Variants in ST6GALNAC4 observed in about 807,000 individuals in gnomAD.
ST6GALNAC4 encodes the protein ST6 N-acetylgalactosaminide alpha-2,6-sialyltransferase 4.
Under a neutral mutation model 30.4 loss-of-function variants are expected in ST6GALNAC4, and 24 were observed. That is an observed-to-expected ratio of 0.79 (90% CI 0.57 to 1.11). The LOEUF is 1.11. Among genes scored for constraint, ST6GALNAC4 ranks in the 50% most tolerant of loss-of-function variants. The pLI, the probability that ST6GALNAC4 is intolerant of heterozygous loss-of-function variation, is 0.00. For missense variants in ST6GALNAC4, 365 were observed against 430.1 expected, an observed-to-expected ratio of 0.85 and a Z score of 1.34; for synonymous variants, 156 against 179.7, an observed-to-expected ratio of 0.87 and a Z score of 1.05.
At chr9:127,909,370 CA>C (rs763669735) in intron 5 of ST6GALNAC4, among the ~76,000 whole-genome samples, 7 of 143,870 alleles carry the variant, frequency 4.9e-5, no homozygotes, top group African/African-American at 1.8e-4. Context: ...GCCTGGGCAA[CA>C]AGAGCAAAAC....
chr9:127,914,836 C>A lies in ST6GALNAC4; in HGVS notation c.18G>T (p.Arg6=). The change falls in exon 3 of 6, where the codon CGG becomes CGT. Residue 6 remains arginine (R), a synonymous_variant. Coordinates refer to ENST00000335791, the MANE Select transcript of ST6GALNAC4 (RefSeq NM_175039.4). MKAPG[R]LVLIILCSVV... ...CGGAGCACAGGATGATGAGCACGAG[C>A]CGACCCTGAGGGAGACAGTGGCCAT... 2.0e-6 allele frequency: 3 copies of A among 1,499,930 alleles called. No individual in the cohort carries two copies. The highest frequency in any genetic ancestry group is 4.2e-4 in the Middle Eastern group (2 of 4,706). 92.9% of individuals were successfully genotyped at this position (1,499,930 alleles called of 1,614,324 possible). A position where few individuals can be genotyped will look rare whatever the true frequency, so the allele number is the denominator to read the frequency against.
intron 5 of ST6GALNAC4, among the ~76,000 whole-genome samples, chr9:127,909,576 C>T (rs1395912648): frequency 6.9e-6 from 1 of 144,432 alleles, no homozygotes; most frequent in Non-Finnish European, 1.5e-5. Flanking sequence ...TATATTTAGG[C>T]CCTATATATA....
chr9:127,916,595 G>T, intron 1 of ST6GALNAC4, 101 bp from the exon 2 acceptor site: 1 of 669,966 alleles, frequency 1.5e-6, no homozygotes, highest in Non-Finnish European at 2.6e-6. Context: ...CGGGGTGAAA[G>T]CACATGGCAC....
At chr9:127,913,635 A>G (rs1489014635) in intron 3 of ST6GALNAC4, among the ~76,000 whole-genome samples, 1 of 151,098 alleles carries the variant, frequency 6.6e-6, no homozygotes, top group Non-Finnish European at 1.5e-5. Context: ...AAAGAAAAAG[A>G]AAACAACATC....
intron 3 of ST6GALNAC4, among the ~76,000 whole-genome samples, chr9:127,912,962 T>C (rs1227054968): frequency 6.6e-6 from 1 of 152,240 alleles, no homozygotes; most frequent in Non-Finnish European, 1.5e-5. Flanking sequence ...CTCTACGTAA[T>C]GAGTCCTTAT....
intron 3 of ST6GALNAC4, among the ~76,000 whole-genome samples, chr9:127,914,073 C>G (rs1425579707): frequency 6.6e-6 from 1 of 150,992 alleles, no homozygotes; most frequent in Non-Finnish European, 1.5e-5. Context: ...AAGCTAGACT[C>G]TCTCTCTCTC....
At chr9:127,911,718 C>T (rs1157683612) in intron 4 of ST6GALNAC4, among the ~76,000 whole-genome samples, 1 of 152,176 alleles carries the variant, frequency 6.6e-6, no homozygotes, top group Non-Finnish European at 1.5e-5. Flanking sequence ...ATCTCTTGAC[C>T]TCGTGATCCT....
chr9:127,916,057 GC>G (rs891653252), intron 2 of ST6GALNAC4: 32 of 407,184 alleles, frequency 7.9e-5, no homozygotes, highest in African/African-American at 6.2e-4. Flanking sequence ...GAGATGAACT[GC>G]CCCCCACATC....
At position 127,910,019 on chromosome 9, in the gene ST6GALNAC4, G is replaced by A; in HGVS notation, c.651C>T (p.Thr217=). The A allele has an allele frequency of 6.2e-7, 1 of 1,613,430 alleles. No individual in the cohort carries two copies. The highest frequency in any genetic ancestry group is 8.5e-7 in the Non-Finnish European group (1 of 1,179,968). The change falls in exon 5 of 6, where the codon ACC becomes ACT. Residue 217 remains threonine (T), a synonymous_variant. Transcript: ENST00000335791. ...SGSFLSTGWF[T]MILALELCEE... is the part of the protein sequence containing the mutation. ...CACACAGCTCCAGCGCGAGGATCAT[G>A]GTGAACCAGCCGGTGCTGAGGAAGG... is the stretch of plus-strand genomic sequence containing the variant.
At chr9:127,909,757 G>C (rs542918016) in intron 5 of ST6GALNAC4, among the ~76,000 whole-genome samples, 194 bp downstream of exon 5, 4 of 152,288 alleles carry the variant, frequency 2.6e-5, no homozygotes, top group African/African-American at 9.6e-5. Context: ...AGCCACACTG[G>C]GGTTGGTAAG....
At chr9:127,916,786 A>G (rs1831203393) in intron 1 of ST6GALNAC4, 40 bp downstream of exon 1, 2 of 374,690 alleles carry the variant, frequency 5.3e-6, no homozygotes, top group Non-Finnish European at 9.8e-6. Flanking sequence ...TCTGGGGCAG[A>G]GAGAGCCAGA....
At chr9:127,913,991 A>T (rs1300464263) in intron 3 of ST6GALNAC4, among the ~76,000 whole-genome samples, 1 of 152,168 alleles carries the variant, frequency 6.6e-6, no homozygotes, top group Non-Finnish European at 1.5e-5. Flanking sequence ...GAAGCATGAG[A>T]ATCACTTGAA....
chr9:127,914,393 CAAAAAAAA>C (rs35168848), intron 3 of ST6GALNAC4, among the ~76,000 whole-genome samples: 18 of 101,288 alleles, frequency 1.8e-4, no homozygotes, highest in African/African-American at 8.0e-4. Context: ...AACTCCATCT[CAAAAAAAA>C]AAAAAAAAAT....
At position 127,908,485 on chromosome 9, in the gene ST6GALNAC4, G is replaced by T; in HGVS notation, c.816C>A (p.Ser272Arg). The change falls in exon 6 of 6, where the codon AGC becomes AGA. Residue 272 changes from serine to arginine, a missense_variant. Ser to Arg is a moderately radical substitution (Grantham distance 110). Transcript: ENST00000335791. ...CCTTCTCAGTGATGAAGCGGTGGGC[G>T]CTTCGGGGCGCCTGCTCGTGTGCCA... The part of the protein sequence containing the change: ...MYLAHEQAPR[S>R]AHRFITEKAV... 2 of 1,610,400 alleles carry T rather than the reference G, an allele frequency of 1.2e-6. No homozygotes were observed. Among genetic ancestry groups the T allele is most frequent in the Non-Finnish European group, 1.7e-6 (2 of 1,177,344 alleles).
intron 2 of ST6GALNAC4, among the ~76,000 whole-genome samples, chr9:127,915,774 G>A (rs533541237): frequency 3.3e-5 from 5 of 152,102 alleles, no homozygotes; most frequent in African/African-American, 1.2e-4. Flanking sequence ...TTCTAGACTC[G>A]AGGCACAAGT....
intron 5 of ST6GALNAC4, among the ~76,000 whole-genome samples, chr9:127,909,319 G>A (rs1216338247): frequency 6.6e-6 from 1 of 151,300 alleles, no homozygotes; most frequent in Non-Finnish European, 1.5e-5. Flanking sequence ...AACCCGGGAG[G>A]TGGAGGTTGC....
At chr9:127,911,677 G>C (rs1831077004) in intron 4 of ST6GALNAC4, among the ~76,000 whole-genome samples, 1 of 152,120 alleles carries the variant, frequency 6.6e-6, no homozygotes, top group Non-Finnish European at 1.5e-5. Context: ...AGTACAGATG[G>C]GGTTTCACCA....
Position 127,908,457 on chromosome 9 carries a change from C to T in ST6GALNAC4, c.844G>A (p.Val282Ile). 1.2e-6 allele frequency: 2 copies of T among 1,606,222 alleles called. No individual in the cohort carries two copies. ...SAHRFITEKA[V>I]FSRWAKKRPI... ...CTCTTCTTGGCCCAGCGGGAGAAGA[C>T]CGCCTTCTCAGTGATGAAGCGGTGG... Residue 282 changes from valine to isoleucine, a missense_variant, in exon 6 of 6, where the codon GTC becomes ATC. Physicochemically the swap from Val to Ile is conservative, Grantham distance 29 (BLOSUM62 3). Transcript: ENST00000335791.
At position 127,916,724 on chromosome 9, in the gene ST6GALNAC4, G is replaced by T; in HGVS notation, c.-76+102C>A. On this transcript the variant is annotated intron_variant, in intron 1 of 5. Coordinates refer to ENST00000335791, the MANE Select transcript of ST6GALNAC4 (RefSeq NM_175039.4). The stretch of plus-strand genomic sequence containing the variant: ...CCAACCCAATTCCCAGTGCGCAGAT[G>T]GGGAGGAAGAGGCAGCGAGGAGGCG... 13 of 530,366 alleles carry T rather than the reference G, an allele frequency of 2.5e-5. No individual in the cohort carries two copies. In the South Asian group the frequency reaches 3.0e-4, roughly 12 times the overall value. 32.9% of individuals were successfully genotyped at this position (530,366 alleles called of 1,614,324 possible).
Sources: gnomAD v4.1 joint callset for allele counts (sites outside exome capture counted in the v4.1 genomes callset) on GRCh38, gnomAD v4.1.1 for gene constraint, MANE v1.5 for transcripts, NCBI Gene and HGNC (gene_info 2026-07-23, HGNC 2026-07-21) for gene names.